The following ABCB5 variants were observed in gnomAD, a reference collection of about 807,000 sequenced individuals.
ABCB5 encodes the protein ATP binding cassette subfamily B member 5, also known as ATP-binding cassette sub-family B member 5.
A neutral mutation model predicts 144.2 loss-of-function variants in ABCB5; 155 were observed. That is an observed-to-expected ratio of 1.08 (90% CI 0.94 to 1.23). ABCB5 has a LOEUF of 1.23. Among genes scored for constraint, ABCB5 ranks in the 50% most tolerant of loss-of-function variants. The pLI, the probability that ABCB5 is intolerant of heterozygous loss-of-function variation, is 0.00. For synonymous variants in ABCB5, 610 were observed against 528.6 expected (o/e 1.15, Z -2.11); for missense variants, 1,830 against 1,520.8 (o/e 1.20, Z -3.38).
rs984148095 is a variant in ABCB5 at position 20,619,414 on chromosome 7, T to G, written c.-22+3577T>G. ...GTGAAGTGGTATCTCATTGTGGTTT[T>G]GATTTACAATTTTCTCATGATTAGT... On this transcript the variant is annotated intron_variant, in intron 1 of 27. Coordinates refer to ENST00000404938, the MANE Select transcript of ABCB5 (RefSeq NM_001163941.2). Among the ~76,000 whole-genome samples, 9 of 152,226 alleles carry G rather than the reference T, an allele frequency of 5.9e-5. No homozygotes were observed. In the South Asian group the frequency reaches 1.7e-3, roughly 28 times the overall value.
At chr7:20,708,827 C>T (rs989182961) in intron 20 of ABCB5, among the ~76,000 whole-genome samples, 1 of 152,182 alleles carries the variant, frequency 6.6e-6, no homozygotes, top group African/African-American at 2.4e-5. Context: ...TTCTGCTGTA[C>T]AAATATTTTA....
intron 1 of ABCB5, among the ~76,000 whole-genome samples, chr7:20,617,960 TAAAC>T (rs1280295853): frequency 6.6e-6 from 1 of 152,118 alleles, no homozygotes; most frequent in African/African-American, 2.4e-5. Flanking sequence ...AGCTCCTAAA[TAAAC>T]ACTGACAGAA....
At position 20,628,796 on chromosome 7, in the gene ABCB5, A is replaced by T. The variant is rs1007588291; in HGVS notation, c.217A>T (p.Ser73Cys). The change falls in exon 4 of 28, where the codon AGT (serine) becomes TGT (cysteine). Residue 73 changes from serine to cysteine, a missense_variant. Physicochemically the swap from Ser to Cys is moderately radical, Grantham distance 112. Transcript: ENST00000404938. ...PLMPLVLGEM[S>C]DNLISGCLVQ... ...AATGCCACTGGTTTTAGGAGAAATG[A>T]GTGATAACCTTATTAGTGGATGTCT... is the stretch of plus-strand genomic sequence containing the variant. The T allele has an allele frequency of 1.1e-5, 18 of 1,613,844 alleles. No homozygotes were observed. The highest frequency in any genetic ancestry group is 1.4e-5 in the Non-Finnish European group (17 of 1,179,828).
chr7:20,685,184 T>A (rs1222695712), intron 15 of ABCB5, among the ~76,000 whole-genome samples: 1 of 152,168 alleles, frequency 6.6e-6, no homozygotes, highest in African/African-American at 2.4e-5. Context: ...GAATTTCTTA[T>A]TGTTGAGGAG....
chr7:20,677,137 CT>C (rs1018149594), intron 14 of ABCB5, among the ~76,000 whole-genome samples: 9 of 152,104 alleles, frequency 5.9e-5, no homozygotes, highest in Non-Finnish European at 8.8e-5. Flanking sequence ...TCTTCTTAGT[CT>C]GTTGTTCATA....
intron 20 of ABCB5, among the ~76,000 whole-genome samples, chr7:20,718,355 A>G (rs1583448301): frequency 6.6e-6 from 1 of 152,222 alleles, no homozygotes; most frequent in Non-Finnish European, 1.5e-5. Context: ...AGTCAGCATT[A>G]TATGCCAAAT....
intron 23 of ABCB5, among the ~76,000 whole-genome samples, chr7:20,731,370 AT>A (rs1319425041): frequency 3.5e-5 from 1 of 28,604 alleles, no homozygotes; most frequent in South Asian, 7.9e-4. Context: ...AAAAAAAAAA[AT>A]ATATATATAT....
chr7:20,754,422 T>C (rs1783021676), intron 27 of ABCB5, among the ~76,000 whole-genome samples: 1 of 152,232 alleles, frequency 6.6e-6, no homozygotes, highest in South Asian at 2.1e-4. Context: ...CAGTATGACC[T>C]TGGTCTAACC....
At chr7:20,747,356 G>A (rs765251647) in intron 26 of ABCB5, among the ~76,000 whole-genome samples, 10 of 152,034 alleles carry the variant, frequency 6.6e-5, no homozygotes, top group Non-Finnish European at 1.3e-4. Flanking sequence ...CTGCAGCCTC[G>A]ACCTCCCAGG....
intron 5 of ABCB5, among the ~76,000 whole-genome samples, chr7:20,638,109 T>C (rs775338320): frequency 1.3e-5 from 2 of 152,174 alleles, no homozygotes; most frequent in Non-Finnish European, 2.9e-5. Flanking sequence ...TTATAAGGAA[T>C]AGTTTTTTAA....
intron 5 of ABCB5, among the ~76,000 whole-genome samples, chr7:20,632,693 G>C: frequency 6.6e-6 from 1 of 152,108 alleles, no homozygotes; most frequent in East Asian, 1.9e-4. Flanking sequence ...AAAAAATGAT[G>C]AGTTCATGTC....
intron 1 of ABCB5, among the ~76,000 whole-genome samples, chr7:20,622,129 C>T (rs1343268045): frequency 1.3e-5 from 2 of 152,110 alleles, no homozygotes; most frequent in Non-Finnish European, 2.9e-5. Flanking sequence ...AGAACGCATA[C>T]ATGATTTTGG....
At chr7:20,733,020 C>G (rs1296020998) in intron 23 of ABCB5, among the ~76,000 whole-genome samples, 1 of 152,096 alleles carries the variant, frequency 6.6e-6, no homozygotes, top group East Asian at 1.9e-4. Flanking sequence ...GTTTAATGCT[C>G]TAAACTACCC....
At chr7:20,732,775 C>G (rs1165297301) in intron 23 of ABCB5, among the ~76,000 whole-genome samples, 1 of 152,138 alleles carries the variant, frequency 6.6e-6, no homozygotes, top group Non-Finnish European at 1.5e-5. Context: ...GAGAATTTAC[C>G]TGTACCTACT....
chr7:20,677,260 C>T (rs1178951695), intron 14 of ABCB5, among the ~76,000 whole-genome samples: 3 of 152,024 alleles, frequency 2.0e-5, no homozygotes, highest in Admixed American at 6.6e-5. Flanking sequence ...AAAAGAGCTC[C>T]GAAGCACAGG....
chr7:20,728,524 C>G (rs548568169), intron 23 of ABCB5, 69 bp downstream of exon 23: 12 of 1,537,252 alleles, frequency 7.8e-6, no homozygotes, highest in Admixed American at 1.9e-5. Flanking sequence ...GAGGCTGAGG[C>G]GGGTGGATCA....
At chr7:20,659,005 C>T in intron 14 of ABCB5, 1 of 1,571,242 alleles carries the variant, frequency 6.4e-7, no homozygotes. Context: ...ACCATGCCCA[C>T]CCTTTGCTTC....
intron 20 of ABCB5, among the ~76,000 whole-genome samples, chr7:20,715,916 C>T (rs1432009821): frequency 1.3e-5 from 2 of 151,780 alleles, no homozygotes; most frequent in East Asian, 1.9e-4. Flanking sequence ...GACGGGCTTT[C>T]ACCACGTTGG....
At chr7:20,663,286 G>T (rs188527795) in intron 14 of ABCB5, among the ~76,000 whole-genome samples, 2 of 152,254 alleles carry the variant, frequency 1.3e-5, no homozygotes, top group African/African-American at 2.4e-5. Context: ...AAGAGATATT[G>T]GTATACTAGT....
Sources: allele counts gnomAD v4.1 joint callset (sites outside exome capture counted in the v4.1 genomes callset), GRCh38; gene constraint gnomAD v4.1.1; transcripts MANE v1.5; gene names NCBI Gene and HGNC (gene_info 2026-07-23, HGNC 2026-07-21).